FBXW7: variants seen among roughly 807,000 people sequenced by gnomAD.
FBXW7 encodes F-box/WD repeat-containing protein 7.
In FBXW7, 11 loss-of-function variants were observed where a neutral mutation model predicts 86.3. The ratio of observed to expected loss-of-function variants is 0.13; its 90% CI spans 0.08 to 0.21. The LOEUF (loss-of-function observed/expected upper bound fraction) is 0.21, where lower values mean the gene tolerates loss of function less well. FBXW7 is among the 10% of genes least tolerant of loss of function. FBXW7 has a pLI of 1.00. For synonymous variants in FBXW7, 313 were observed against 297.9 expected, an observed-to-expected ratio of 1.05 and a Z score of -0.52; for missense variants, 488 against 847.4, an observed-to-expected ratio of 0.58 and a Z score of 5.27.
intron 2 of FBXW7, among the ~76,000 whole-genome samples, chr4:152,462,338 G>A (rs1743024713): frequency 1.3e-5 from 2 of 152,246 alleles, no homozygotes. Flanking sequence ...GTCAAAAAAA[G>A]AAGCAATCAC....
intron 4 of FBXW7, among the ~76,000 whole-genome samples, chr4:152,360,833 T>C (rs1254564228): frequency 3.4e-5 from 5 of 147,238 alleles, no homozygotes; most frequent in Non-Finnish European, 7.5e-5. Flanking sequence ...TTAAAATATA[T>C]TAAATATATA....
chr4:152,498,304 A>AC (rs59770729), intron 2 of FBXW7, among the ~76,000 whole-genome samples: 2 of 151,706 alleles, frequency 1.3e-5, no homozygotes, highest in African/African-American at 2.4e-5. Context: ...GCAAAAAAAA[A>AC]CTCATAAAAC....
chr4:152,481,160 G>GA (rs1410466210), intron 2 of FBXW7, among the ~76,000 whole-genome samples: 1 of 152,168 alleles, frequency 6.6e-6, no homozygotes, highest in African/African-American at 2.4e-5. Flanking sequence ...GTGGAACAAT[G>GA]ATCACTTATC....
intron 4 of FBXW7, chr4:152,382,541 G>A (rs570274288): frequency 1.8e-6 from 2 of 1,105,778 alleles, no homozygotes; most frequent in African/African-American, 3.2e-5. Context: ...AACTATCCTA[G>A]AATAGCCAGG....
intron 4 of FBXW7, among the ~76,000 whole-genome samples, chr4:152,373,469 T>C (rs1734186167): frequency 6.6e-6 from 1 of 152,048 alleles, no homozygotes; most frequent in Non-Finnish European, 1.5e-5. Context: ...CTACAGTTTC[T>C]AGGAAAGTTC....
intron 2 of FBXW7, among the ~76,000 whole-genome samples, chr4:152,434,200 G>C (rs560988070): frequency 6.6e-6 from 1 of 152,116 alleles, no homozygotes; most frequent in Non-Finnish European, 1.5e-5. Flanking sequence ...AGTAAGTGTC[G>C]TACGGACAGC....
At chr4:152,350,321 T>TC (rs1238482097) in intron 4 of FBXW7, among the ~76,000 whole-genome samples, 197 bp from the exon 5 acceptor site, 1 of 151,586 alleles carries the variant, frequency 6.6e-6, no homozygotes, top group Non-Finnish European at 1.5e-5. Flanking sequence ...AGGTGAATTT[T>TC]CCCCCCTAAT....
chr4:152,425,984 C>G (rs990992544), intron 2 of FBXW7, among the ~76,000 whole-genome samples: 1 of 152,128 alleles, frequency 6.6e-6, no homozygotes, highest in Non-Finnish European at 1.5e-5. Context: ...GATCCCCACC[C>G]CTGCCTACAC....
intron 2 of FBXW7, among the ~76,000 whole-genome samples, chr4:152,501,030 T>C (rs1346011028): frequency 1.3e-5 from 2 of 152,212 alleles, no homozygotes; most frequent in Non-Finnish European, 1.5e-5. Context: ...TCTCACAGGA[T>C]AGACAAGTCC....
At chr4:152,454,436 T>C (rs1009475052) in intron 2 of FBXW7, among the ~76,000 whole-genome samples, 7 of 152,136 alleles carry the variant, frequency 4.6e-5, no homozygotes, top group African/African-American at 1.7e-4. Flanking sequence ...CTTTTGATAA[T>C]GACTATTCCA....
At chr4:152,430,626 G>C (rs1329739248) in intron 2 of FBXW7, among the ~76,000 whole-genome samples, 1 of 152,078 alleles carries the variant, frequency 6.6e-6, no homozygotes, top group East Asian at 1.9e-4. Flanking sequence ...GATATCTGTA[G>C]TTTTTTGGAT....
At chr4:152,420,450 A>G (rs1295101571) in intron 2 of FBXW7, among the ~76,000 whole-genome samples, 1 of 152,132 alleles carries the variant, frequency 6.6e-6, no homozygotes, top group East Asian at 1.9e-4. Flanking sequence ...ATAAATCACG[A>G]ATGTTCTCAA....
At chr4:152,358,788 A>C (rs1732643324) in intron 4 of FBXW7, among the ~76,000 whole-genome samples, 1 of 152,206 alleles carries the variant, frequency 6.6e-6, no homozygotes, top group Non-Finnish European at 1.5e-5. Flanking sequence ...GTGAGGAAAC[A>C]GAAAATGCCT....
At chr4:152,329,868 A>G in intron 9 of FBXW7, 83 bp from the exon 10 acceptor site, 1 of 634,782 alleles carries the variant, frequency 1.6e-6, no homozygotes, top group Admixed American at 3.3e-5. Flanking sequence ...ATGAAGGCAT[A>G]AACAGGAACA....
intron 4 of FBXW7, among the ~76,000 whole-genome samples, chr4:152,395,911 C>G (rs993773521): frequency 6.6e-6 from 1 of 151,868 alleles, no homozygotes; most frequent in African/African-American, 2.4e-5. Context: ...ATCTGGACAC[C>G]AATATATTTT....
intron 7 of FBXW7, chr4:152,337,601 G>T (rs1320390068): frequency 6.3e-6 from 3 of 479,380 alleles, no homozygotes; most frequent in Non-Finnish European, 7.3e-6. Context: ...GAGTTACTTA[G>T]TTCACATGCA....
chr4:152,356,235 A>G (rs1406223762), intron 4 of FBXW7, among the ~76,000 whole-genome samples: 8 of 152,154 alleles, frequency 5.3e-5, no homozygotes, highest in Admixed American at 5.2e-4. Flanking sequence ...TTTCTAGGGC[A>G]TCCAGAAAAT....
chr4:152,418,802 T>C (rs1323639175), intron 2 of FBXW7, among the ~76,000 whole-genome samples: 1 of 152,124 alleles, frequency 6.6e-6, no homozygotes, highest in Admixed American at 6.6e-5. Context: ...AGCTCAGAAA[T>C]AGTCTTATTT....
chr4:152,381,763 C>T (rs1735097494), intron 4 of FBXW7, among the ~76,000 whole-genome samples: 1 of 152,024 alleles, frequency 6.6e-6, no homozygotes, highest in Non-Finnish European at 1.5e-5. Context: ...AATAATACAG[C>T]TTAAGAGGCC....
Sources: allele counts gnomAD v4.1 joint callset (sites outside exome capture counted in the v4.1 genomes callset), GRCh38; gene constraint gnomAD v4.1.1; transcripts MANE v1.5; gene names NCBI Gene and HGNC (gene_info 2026-07-23, HGNC 2026-07-21).